TACC2: variants seen among roughly 807,000 people sequenced by gnomAD.
The protein encoded by TACC2 is transforming acidic coiled-coil-containing protein 2.
A neutral mutation model predicts 227.3 loss-of-function variants in TACC2; 137 were observed. The ratio of observed to expected loss-of-function variants is 0.60; its 90% CI spans 0.52 to 0.69. The LOEUF (loss-of-function observed/expected upper bound fraction) is 0.69. Among genes scored for constraint, TACC2 ranks in the 30% least tolerant of loss-of-function variants. TACC2 has a pLI of 0.00. For missense variants in TACC2, 3,470 were observed against 3,694.4 expected (o/e 0.94, Z 1.57); for synonymous variants, 1,523 against 1,487.5 (o/e 1.02, Z -0.55).
chr10:122,193,849 C>T (rs2094484659), intron 7 of TACC2, among the ~76,000 whole-genome samples: 1 of 152,090 alleles, frequency 6.6e-6, no homozygotes. Flanking sequence ...CTTATTCTTT[C>T]TGGCTTAAAA....
chr10:122,226,595 A>G (rs867271658), intron 13 of TACC2, 114 bp downstream of exon 13: 4 of 717,520 alleles, frequency 5.6e-6, no homozygotes, highest in Middle Eastern at 2.5e-4. Context: ...GGCGGCTGAC[A>G]TGCCACATAT....
intron 3 of TACC2, chr10:122,079,075 C>T (rs1421348492): frequency 1.3e-5 from 2 of 152,238 alleles, no homozygotes; most frequent in African/African-American, 4.8e-5. Context: ...TCGTTTCTTT[C>T]CAGCTTGATA....
At chr10:122,118,606 C>T (rs184016926) in intron 5 of TACC2, among the ~76,000 whole-genome samples, 19 of 152,312 alleles carry the variant, frequency 1.2e-4, no homozygotes, top group African/African-American at 4.3e-4. Flanking sequence ...GACCTGGTTG[C>T]ATTGCAGGGA....
intron 5 of TACC2, among the ~76,000 whole-genome samples, chr10:122,115,271 A>AGTGT (rs1180604805): frequency 2.1e-4 from 13 of 60,754 alleles, no homozygotes; most frequent in African/African-American, 4.2e-4. Context: ...TAGGTAGGTG[A>AGTGT]GTGTGTGTGT....
chr10:122,052,002 C>T (rs2075755675), intron 3 of TACC2: 1 of 152,054 alleles, frequency 6.6e-6, no homozygotes, highest in Admixed American at 6.6e-5. Flanking sequence ...CACCTTTGAT[C>T]TCTATTCTCT....
intron 9 of TACC2, 130 bp downstream of exon 9, chr10:122,211,838 T>TA: frequency 2.8e-6 from 2 of 704,584 alleles, no homozygotes; most frequent in Non-Finnish European, 4.5e-6. Context: ...ATGCCACGCT[T>TA]ACGGCCGTTG....
At chr10:122,178,538 G>A (rs1177475156) in intron 7 of TACC2, among the ~76,000 whole-genome samples, 1 of 150,852 alleles carries the variant, frequency 6.6e-6, no homozygotes. Context: ...CGCCCTGCCA[G>A]TTCTTCGTTA....
At chr10:122,060,320 C>G (rs918587813) in intron 3 of TACC2, among the ~76,000 whole-genome samples, 48 of 152,280 alleles carry the variant, frequency 3.2e-4, no homozygotes, top group African/African-American at 1.1e-3. Context: ...AGGCAGAGCC[C>G]CAGGCAAATC....
At chr10:122,055,908 C>G (rs1392072160) in intron 3 of TACC2, among the ~76,000 whole-genome samples, 1 of 152,174 alleles carries the variant, frequency 6.6e-6, no homozygotes, top group African/African-American at 2.4e-5. Context: ...GTCTCTTGGT[C>G]AGCGGGGATG....
At chr10:122,237,877 G>T in intron 17 of TACC2, 84 bp from the exon 18 acceptor site, 1 of 985,996 alleles carries the variant, frequency 1.0e-6, no homozygotes, top group Non-Finnish European at 1.6e-6. Flanking sequence ...TTTATTCACC[G>T]TCTCCTTTTC....
At chr10:122,224,839 G>A in intron 12 of TACC2, 52 bp downstream of exon 12, 1 of 1,468,130 alleles carries the variant, frequency 6.8e-7, no homozygotes, top group Non-Finnish European at 9.5e-7. Flanking sequence ...CTGCCTTCAG[G>A]GGCCTCCTCC....
chr10:122,073,698 G>A (rs564440192), intron 3 of TACC2, among the ~76,000 whole-genome samples: 9 of 152,302 alleles, frequency 5.9e-5, no homozygotes, highest in African/African-American at 1.9e-4. Context: ...AAGGCTCTGA[G>A]AAATCCTGCG....
intron 7 of TACC2, among the ~76,000 whole-genome samples, chr10:122,188,814 T>C (rs1402817369): frequency 3.3e-5 from 5 of 152,098 alleles, no homozygotes; most frequent in Non-Finnish European, 7.3e-5. Flanking sequence ...ATTCTGAAAA[T>C]AGGACCTGCT....
At chr10:122,047,441 C>G (rs1317376684) in intron 2 of TACC2, among the ~76,000 whole-genome samples, 2 of 152,070 alleles carry the variant, frequency 1.3e-5, no homozygotes, top group Non-Finnish European at 2.9e-5. Context: ...GGCTGAGACC[C>G]CTCAGGGGGG....
chr10:122,058,745 A>G (rs2076463098), intron 3 of TACC2, among the ~76,000 whole-genome samples: 1 of 151,848 alleles, frequency 6.6e-6, no homozygotes, highest in African/African-American at 2.4e-5. Context: ...TTCCTCCCCA[A>G]ATTTATGAAC....
rs377253808 is a variant in TACC2, at chr10:122,159,472, C to T, written c.5834+15766C>T. Among the ~76,000 whole-genome samples the T allele has an allele frequency of 1.6e-4, 25 of 152,252 alleles. No homozygotes were observed. The East Asian group carries it at 1.7e-3, about 11-fold the overall frequency. Reference sequence around the variant, plus strand: ...CAGGCCACACAGCTTCCCAGCTCTTCGAATTTTCGGCAAGGCAGTGAGCAT... The same window carrying T: ...CAGGCCACACAGCTTCCCAGCTCTTTGAATTTTCGGCAAGGCAGTGAGCAT... On this transcript the variant is annotated intron_variant, in intron 7 of 22. Coordinates refer to ENST00000369005, the MANE Select transcript of TACC2 (RefSeq NM_206862.4).
intron 7 of TACC2, among the ~76,000 whole-genome samples, chr10:122,157,745 T>A (rs2092577810): frequency 6.6e-6 from 1 of 152,102 alleles, no homozygotes; most frequent in African/African-American, 2.4e-5. Context: ...TTTTTGACAT[T>A]AGGTAGAGTA....
chr10:122,129,106 G>A lies in TACC2; in HGVS notation c.5574-3503G>A, dbSNP rs562323482. Reference sequence around the variant, plus strand: ...TATTATTATTATTATTTGAGATGGAGTTTTGCTCTTGTCACCCAGGCTGGA... The same window carrying A: ...TATTATTATTATTATTTGAGATGGAATTTTGCTCTTGTCACCCAGGCTGGA... On this transcript the variant is annotated intron_variant, in intron 5 of 22. Transcript: ENST00000369005. Among the ~76,000 whole-genome samples the A allele has an allele frequency of 7.1e-5, 9 of 125,964 alleles. No homozygotes were observed. In the East Asian group the frequency reaches 2.1e-3, roughly 29 times the overall value. The allele number at this position is 125,964 out of a possible 152,430, so 82.6% of individuals were successfully genotyped here.
At position 122,180,042 on chromosome 10, in the gene TACC2, G is replaced by A. The variant is rs973410627; in HGVS notation, c.5835-14998G>A. ...CGAGGCTGCAGTGAGCCATGATTGC[G>A]CCACTGCACTCCAGCCTGGGCAACA... On this transcript the variant is annotated intron_variant, in intron 7 of 22. Transcript: ENST00000369005. This position sits in a 1 kb window ranked among gnomAD's most constrained non-coding sequence, Gnocchi z 4.5. Among the ~76,000 whole-genome samples, 2 of 151,988 alleles carry A rather than the reference G, an allele frequency of 1.3e-5. No homozygotes were observed. The highest frequency in any genetic ancestry group is 1.9e-4 in the East Asian group (1 of 5,148).
Sources: gnomAD v4.1 joint callset for allele counts (sites outside exome capture counted in the v4.1 genomes callset) on GRCh38, gnomAD v4.1.1 for gene constraint, Gnocchi (gnomAD v3.1) non-coding constraint, MANE v1.5 for transcripts, NCBI Gene and HGNC (gene_info 2026-07-23, HGNC 2026-07-21) for gene names.